The following TMEM132B variants were observed in gnomAD, a reference collection of about 807,000 sequenced individuals.
TMEM132B encodes the protein transmembrane protein 132B.
Under a neutral mutation model 90.8 loss-of-function variants are expected in TMEM132B, and 18 were observed. That is an observed-to-expected ratio of 0.20 (90% CI 0.14 to 0.29). The LOEUF is 0.29. TMEM132B is among the 10% of genes least tolerant of loss of function. TMEM132B has a pLI of 1.00. For synonymous variants in TMEM132B, 504 were observed against 523.3 expected (o/e 0.96, Z 0.50); for missense variants, 1,096 against 1,326.8 (o/e 0.83, Z 2.70).
At chr12:125,448,866 G>A (rs568108812) in intron 3 of TMEM132B, among the ~76,000 whole-genome samples, 2 of 151,376 alleles carry the variant, frequency 1.3e-5, no homozygotes, top group East Asian at 3.9e-4. Context: ...AGCCATCCTA[G>A]TAAGTATATA....
At chr12:125,636,505 T>C (rs1263932407) in intron 5 of TMEM132B, among the ~76,000 whole-genome samples, 1 of 152,226 alleles carries the variant, frequency 6.6e-6, no homozygotes, top group Non-Finnish European at 1.5e-5. Flanking sequence ...TGATTAAGCA[T>C]TAGGCTTAGT....
At chr12:125,389,996 A>C (rs1878962977) in intron 2 of TMEM132B, among the ~76,000 whole-genome samples, 2 of 152,230 alleles carry the variant, frequency 1.3e-5, no homozygotes, top group Non-Finnish European at 2.9e-5. Flanking sequence ...TCCGTTCAAG[A>C]ATCGTAATGT....
At chr12:125,449,329 G>A (rs368106633) in intron 3 of TMEM132B, among the ~76,000 whole-genome samples, 24 of 152,218 alleles carry the variant, frequency 1.6e-4, no homozygotes, top group African/African-American at 5.3e-4. Context: ...GTGAGCTTTG[G>A]TATTTGTCTT....
chr12:125,593,069 A>G (rs917423224), intron 5 of TMEM132B, among the ~76,000 whole-genome samples: 1 of 152,170 alleles, frequency 6.6e-6, no homozygotes, highest in Non-Finnish European at 1.5e-5. Flanking sequence ...AAACACCATT[A>G]TTCTATTTCT....
intron 5 of TMEM132B, among the ~76,000 whole-genome samples, chr12:125,643,210 G>A (rs1024441981): frequency 2.6e-5 from 4 of 152,154 alleles, no homozygotes; most frequent in African/African-American, 4.8e-5. Flanking sequence ...TGAGGTGGGG[G>A]CCCTGCCAGC....
chr12:125,637,841 C>T (rs1365057425), intron 5 of TMEM132B, among the ~76,000 whole-genome samples: 2 of 152,104 alleles, frequency 1.3e-5, no homozygotes, highest in Admixed American at 1.3e-4. Context: ...TCAGTGGTTG[C>T]CTGGGGCCAG....
At chr12:125,279,145 A>C (rs188341498) in intron 1 of TMEM132B, among the ~76,000 whole-genome samples, 1 of 152,346 alleles carries the variant, frequency 6.6e-6, no homozygotes, top group Admixed American at 6.5e-5. Context: ...TCAGCTGATC[A>C]CATGTCCTTC....
intron 1 of TMEM132B, among the ~76,000 whole-genome samples, chr12:125,322,042 G>T (rs1876440281): frequency 6.6e-6 from 1 of 152,132 alleles, no homozygotes; most frequent in African/African-American, 2.4e-5. Context: ...AAAGAAGTCG[G>T]GCACAAAGGT....
intron 4 of TMEM132B, among the ~76,000 whole-genome samples, chr12:125,562,322 A>G (rs1884553855): frequency 6.6e-6 from 1 of 152,198 alleles, no homozygotes. Flanking sequence ...CAGACCACTG[A>G]CATTTTCTCC....
At chr12:125,305,300 C>T (rs759023266) in intron 1 of TMEM132B, among the ~76,000 whole-genome samples, 4 of 150,924 alleles carry the variant, frequency 2.7e-5, no homozygotes, top group Non-Finnish European at 5.9e-5. Flanking sequence ...CCTTGACATA[C>T]GAGATTCATG....
intron 1 of TMEM132B, among the ~76,000 whole-genome samples, chr12:125,283,225 G>T (rs555388532): frequency 6.6e-6 from 1 of 152,226 alleles, no homozygotes; most frequent in South Asian, 2.1e-4. Context: ...TCTGCTTTGT[G>T]GTTCTGGATT....
intron 3 of TMEM132B, among the ~76,000 whole-genome samples, chr12:125,432,304 G>C (rs1345224242): frequency 7.0e-6 from 1 of 143,170 alleles, no homozygotes; most frequent in Non-Finnish European, 1.5e-5. Flanking sequence ...TGGGAAATTG[G>C]AACCTGGAGG....
intron 1 of TMEM132B, among the ~76,000 whole-genome samples, chr12:125,189,012 T>G (rs553768553): frequency 6.6e-6 from 1 of 152,118 alleles, no homozygotes; most frequent in East Asian, 1.9e-4. Flanking sequence ...CCCCTTTGGC[T>G]GAGGCTCTGG....
chr12:125,480,497 T>C (rs547168533), intron 3 of TMEM132B, among the ~76,000 whole-genome samples: 194 of 152,226 alleles, frequency 1.3e-3, no homozygotes, highest in African/African-American at 3.9e-3. Flanking sequence ...GCAAATAAAC[T>C]AGAAAATCTA....
At chr12:125,516,242 A>G (rs889624517) in intron 3 of TMEM132B, among the ~76,000 whole-genome samples, 10 of 152,288 alleles carry the variant, frequency 6.6e-5, no homozygotes, top group South Asian at 2.1e-4. Flanking sequence ...TGAATGTCTC[A>G]TGGCTGAAAC....
At chr12:125,469,198 G>T (rs904035936) in intron 3 of TMEM132B, among the ~76,000 whole-genome samples, 6 of 152,180 alleles carry the variant, frequency 3.9e-5, no homozygotes. Context: ...CATTGAGTAT[G>T]ATGTTAGCTG....
chr12:125,411,921 G>A (rs765857358), intron 2 of TMEM132B, among the ~76,000 whole-genome samples: 12 of 152,138 alleles, frequency 7.9e-5, no homozygotes, highest in African/African-American at 2.9e-4. Context: ...GTTGGCTAAT[G>A]GTCAACTTGT....
chr12:125,411,574 G>T (rs539819824), intron 2 of TMEM132B, among the ~76,000 whole-genome samples: 1 of 152,238 alleles, frequency 6.6e-6, no homozygotes, highest in East Asian at 1.9e-4. Flanking sequence ...CAAACCTCTA[G>T]GGTACGTGTG....
chr12:125,389,759 A>G (rs891705817), intron 2 of TMEM132B, among the ~76,000 whole-genome samples: 2 of 152,166 alleles, frequency 1.3e-5, no homozygotes, highest in African/African-American at 4.8e-5. Context: ...TTCTAGATAC[A>G]TTGGCAGTCT....
Sources: allele counts gnomAD v4.1 joint callset (sites outside exome capture counted in the v4.1 genomes callset), GRCh38; gene constraint gnomAD v4.1.1; transcripts MANE v1.5; gene names NCBI Gene and HGNC (gene_info 2026-07-23, HGNC 2026-07-21).